Variants in SH2D3A observed in about 807,000 individuals in gnomAD.
The protein encoded by SH2D3A is SH2 domain-containing protein 3A.
In SH2D3A, 46 loss-of-function variants were observed where a neutral mutation model predicts 50.6. The observed-to-expected ratio is 0.91, with a 90% confidence interval of 0.72 to 1.16. The LOEUF (loss-of-function observed/expected upper bound fraction) is 1.16. Ranked by LOEUF, SH2D3A falls within the 50% of genes most tolerant of loss-of-function variation. The pLI, the probability that SH2D3A is intolerant of heterozygous loss-of-function variation, is 0.00. For synonymous variants in SH2D3A, 377 were observed against 348.4 expected (o/e 1.08, Z -0.91); for missense variants, 783 against 786.2 (o/e 1.00, Z 0.05).
intron 8 of SH2D3A, 74 bp from the exon 9 acceptor site, chr19:6,753,715 A>C: frequency 7.2e-7 from 1 of 1,383,940 alleles, no homozygotes; most frequent in Non-Finnish European, 9.6e-7. Flanking sequence ...ACCTAGGACA[A>C]ATGCAGGGGC....
At chr19:6,761,930 CAG>C (rs1970037290) in intron 2 of SH2D3A, among the ~76,000 whole-genome samples, 1 of 136,366 alleles carries the variant, frequency 7.3e-6, no homozygotes, top group African/African-American at 2.9e-5. Context: ...GCATGGGTGA[CAG>C]AGTGAGATCA....
At position 6,759,678 on chromosome 19, in the gene SH2D3A, A is replaced by T. The variant is rs1195997840; in HGVS notation, c.420-8T>A. On this transcript the variant is annotated splice_region_variant and splice_polypyrimidine_tract_variant and intron_variant, in intron 3 of 9. Coordinates refer to ENST00000245908, the MANE Select transcript of SH2D3A (RefSeq NM_005490.3). ...TTGCTCCACTTCCTTGCCCTGGGGG[A>T]CAGAAGTGGGAGAAACCTGTAGTCC... 3 of 1,613,330 alleles carry T rather than the reference A, an allele frequency of 1.9e-6. No individual in the cohort carries two copies. Among genetic ancestry groups the T allele is most frequent in the Non-Finnish European group, 2.5e-6 (3 of 1,179,590 alleles).
chr19:6,764,884 T>TTTTTC (rs1970225297), intron 1 of SH2D3A, among the ~76,000 whole-genome samples: 1 of 147,260 alleles, frequency 6.8e-6, no homozygotes, highest in African/African-American at 2.6e-5. Flanking sequence ...TTTTTTTTTT[T>TTTTTC]TTTTTTTTTT....
chr19:6,766,534 G>A (rs1293519705), intron 1 of SH2D3A, among the ~76,000 whole-genome samples: 2 of 152,204 alleles, frequency 1.3e-5, no homozygotes, highest in Non-Finnish European at 2.9e-5. Context: ...GACGTGGAGG[G>A]TGGGAACCAC....
chr19:6,760,518 AC>A, intron 3 of SH2D3A, 119 bp downstream of exon 3: 1 of 810,248 alleles, frequency 1.2e-6, no homozygotes, highest in Non-Finnish European at 1.9e-6. Context: ...AAATCATGCC[AC>A]TGCACTCCAG....
Position 6,760,881 on chromosome 19 carries a change from T to C in SH2D3A, c.176A>G (p.His59Arg), listed in dbSNP as rs371836476. The change falls in exon 3 of 10, where the codon CAT (histidine) becomes CGT (arginine). Residue 59 changes from histidine (H) to arginine (R), a missense_variant. Transcript: ENST00000245908. ...ISCRWRGSAL[H>R]FEVFRVALRP... Reference sequence around the variant, plus strand: ...CAGGGCCACACGGAACACCTCAAAATGGAGGGCTGAGCCCCGCCAGCGGCA... The same window carrying C: ...CAGGGCCACACGGAACACCTCAAAACGGAGGGCTGAGCCCCGCCAGCGGCA... The C allele has an allele frequency of 3.1e-6, 5 of 1,614,052 alleles. No individual in the cohort carries two copies. In the African/African-American group the frequency reaches 6.7e-5, roughly 22 times the overall value.
At chr19:6,753,677 TGTA>T in intron 8 of SH2D3A, 36 bp from the exon 9 acceptor site, 1 of 1,502,678 alleles carries the variant, frequency 6.7e-7, no homozygotes, top group Non-Finnish European at 8.9e-7. Flanking sequence ...GGTTTGGGGC[TGTA>T]GATGGGGCAT....
rs754635882 is a variant in SH2D3A at position 6,753,603 on chromosome 19, C to A, written c.1423G>T (p.Ala475Ser). ...DPGEVALPHV[A>S]PMVRLLEGEE... ...CCCTCCAGTAGGCGAACCATGGGTGCCACGTGCGGCAGCGCCACCTCGCCG... is the reference window on the plus strand; with the variant it reads ...CCCTCCAGTAGGCGAACCATGGGTGACACGTGCGGCAGCGCCACCTCGCCG... Residue 475 changes from alanine to serine, a missense_variant, in exon 9 of 10, where the codon GCA becomes TCA. Transcript: ENST00000245908. 1.9e-6 allele frequency: 3 copies of A among 1,589,622 alleles called. No individual in the cohort carries two copies. Among genetic ancestry groups the A allele is most frequent in the Non-Finnish European group, 2.6e-6 (3 of 1,169,244 alleles).
rs1467203949 is a variant in SH2D3A at position 6,756,667 on chromosome 19, C to T, written c.497-1352G>A. On this transcript the variant is annotated intron_variant, in intron 4 of 9. Transcript: ENST00000245908. ...CTTTTGGGAGACTGTATTTACCATGCCTTTGAATAGGCTCTTTTCTAGGAA... is the reference window on the plus strand; with the variant it reads ...CTTTTGGGAGACTGTATTTACCATGTCTTTGAATAGGCTCTTTTCTAGGAA... Among the ~76,000 whole-genome samples, 3 of 152,018 alleles carry T rather than the reference C, an allele frequency of 2.0e-5. No individual in the cohort carries two copies. The East Asian group carries it at 5.8e-4, about 29-fold the overall frequency.
At chr19:6,753,336 G>T in intron 9 of SH2D3A, 120 bp downstream of exon 9, 1 of 1,399,304 alleles carries the variant, frequency 7.1e-7, no homozygotes, top group Non-Finnish European at 9.3e-7. Context: ...CCCAGTTTGG[G>T]TGGGGCTCCG....
intron 2 of SH2D3A, among the ~76,000 whole-genome samples, chr19:6,762,942 T>C (rs1305903027): frequency 2.0e-5 from 3 of 152,198 alleles, no homozygotes; most frequent in African/African-American, 4.8e-5. Flanking sequence ...GTCTCAATTA[T>C]GGGATTTTAA....
At chr19:6,766,767 T>C (rs1270523734) in intron 1 of SH2D3A, among the ~76,000 whole-genome samples, 1 of 152,182 alleles carries the variant, frequency 6.6e-6, no homozygotes, top group Non-Finnish European at 1.5e-5. Flanking sequence ...AGACCATTTC[T>C]AAGAGTTATC....
chr19:6,763,343 C>T (rs546641959), intron 2 of SH2D3A, among the ~76,000 whole-genome samples: 4 of 152,224 alleles, frequency 2.6e-5, no homozygotes, highest in South Asian at 2.1e-4. Flanking sequence ...GGATTACAGG[C>T]GTGAGCCACC....
chr19:6,754,508 C>T (rs1181303351), intron 6 of SH2D3A, 83 bp from the exon 7 acceptor site: 1 of 1,560,696 alleles, frequency 6.4e-7, no homozygotes, highest in South Asian at 1.2e-5. Context: ...GTGGCATTGC[C>T]CCATCTCCCT....
At chr19:6,761,863 C>T (rs10426863) in intron 2 of SH2D3A, among the ~76,000 whole-genome samples, 16,826 of 150,878 alleles carry the variant, frequency 0.11, 1,025 homozygotes, top group South Asian at 0.21. Context: ...GTGGGAGAAT[C>T]GCTTGAACCC....
At chr19:6,754,192 T>A in intron 7 of SH2D3A, 29 bp from the exon 8 acceptor site, 1 of 1,609,100 alleles carries the variant, frequency 6.2e-7, no homozygotes, top group South Asian at 1.1e-5. Context: ...GCACGCCTCC[T>A]CTCCAGTCTT....
At chr19:6,766,413 A>G (rs747023878) in intron 1 of SH2D3A, among the ~76,000 whole-genome samples, 8 of 152,216 alleles carry the variant, frequency 5.3e-5, no homozygotes, top group Non-Finnish European at 1.0e-4. Context: ...TTATTCGGGC[A>G]CGGAAGAGAA....
At chr19:6,761,965 C>CAAAAAAAAAAA (rs759411762) in intron 2 of SH2D3A, among the ~76,000 whole-genome samples, 12 of 101,560 alleles carry the variant, frequency 1.2e-4, no homozygotes, top group African/African-American at 2.4e-4. Flanking sequence ...AAAAAAAAAA[C>CAAAAAAAAAAA]AAAAAAAAAA....
Position 6,755,116 on chromosome 19 carries a change from G to A in SH2D3A, c.696C>T (p.Cys232=), listed in dbSNP as rs199547986. The change falls in exon 5 of 10, where the codon TGC becomes TGT. Residue 232 remains cysteine, a synonymous_variant. Transcript: ENST00000245908. The part of the protein sequence containing the change: ...PDASERPPTY[C]ELVPRVPSVQ... ...CACTGGGCACTCGGGGCACCAGCTC[G>A]CAGTACGTCGGGGGACGTTCAGAGG... is the stretch of plus-strand genomic sequence containing the variant. The A allele has an allele frequency of 8.1e-6, 13 of 1,613,900 alleles. No homozygotes were observed. Among genetic ancestry groups the A allele is most frequent in the East Asian group, 2.2e-5 (1 of 44,868 alleles).
Sources: gnomAD v4.1 joint callset for allele counts (sites outside exome capture counted in the v4.1 genomes callset) on GRCh38, gnomAD v4.1.1 for gene constraint, MANE v1.5 for transcripts, NCBI Gene and HGNC (gene_info 2026-07-23, HGNC 2026-07-21) for gene names.